Variants in CDIP1 observed in about 807,000 individuals in gnomAD.
CDIP1 encodes cell death inducing p53 target 1.
Under a neutral mutation model 17.7 loss-of-function variants are expected in CDIP1, and 9 were observed. The ratio of observed to expected loss-of-function variants is 0.51; its 90% CI spans 0.31 to 0.89. CDIP1 has a LOEUF of 0.89. Ranked by LOEUF, CDIP1 falls within the 40% of genes least tolerant of loss-of-function variation. The pLI is 0.05. For missense variants in CDIP1, 263 were observed against 277.9 expected (o/e 0.95, Z 0.38); for synonymous variants, 117 against 109.5 (o/e 1.07, Z -0.43).
chr16:4,523,211 C>T (rs2058968703), intron 1 of CDIP1, among the ~76,000 whole-genome samples: 1 of 152,158 alleles, frequency 6.6e-6, no homozygotes, highest in Non-Finnish European at 1.5e-5. Flanking sequence ...CAGATACAGG[C>T]TGGGGATTAA....
chr16:4,520,611 T>C (rs912555320), intron 1 of CDIP1, among the ~76,000 whole-genome samples: 1 of 152,176 alleles, frequency 6.6e-6, no homozygotes, highest in Admixed American at 6.6e-5. Context: ...ACACATCTCA[T>C]TGAACAATAT....
intron 1 of CDIP1, among the ~76,000 whole-genome samples, chr16:4,535,050 C>G (rs1460498237): frequency 6.6e-6 from 1 of 152,146 alleles, no homozygotes; most frequent in Non-Finnish European, 1.5e-5. Flanking sequence ...CAACCAAGCT[C>G]GCTTTCTTCC....
At chr16:4,534,707 T>TG (rs2059089821) in intron 1 of CDIP1, among the ~76,000 whole-genome samples, 2 of 151,776 alleles carry the variant, frequency 1.3e-5, no homozygotes, top group Non-Finnish European at 2.9e-5. Context: ...TTTTTTTTTT[T>TG]TTTTTTGGTT....
chr16:4,538,082 C>T (rs1015748193), intron 1 of CDIP1, among the ~76,000 whole-genome samples: 1 of 152,200 alleles, frequency 6.6e-6, no homozygotes, highest in African/African-American at 2.4e-5. Flanking sequence ...CCCACCCCTC[C>T]CCTCCCCGTC....
intron 1 of CDIP1, among the ~76,000 whole-genome samples, chr16:4,535,811 G>A (rs1253787153): frequency 1.3e-5 from 2 of 152,270 alleles, no homozygotes; most frequent in Non-Finnish European, 2.9e-5. Flanking sequence ...CAGGCCCTAG[G>A]CGCCTCCACC....
chr16:4,524,892 T>C (rs983743536), intron 1 of CDIP1, among the ~76,000 whole-genome samples: 1 of 152,082 alleles, frequency 6.6e-6, no homozygotes, highest in African/African-American at 2.4e-5. Context: ...TGCTTAAAGC[T>C]AGGAGTTCAA....
At chr16:4,538,442 C>T (rs1300828261) in intron 1 of CDIP1, 2 of 151,998 alleles carry the variant, frequency 1.3e-5, no homozygotes, top group Non-Finnish European at 2.9e-5. Flanking sequence ...CGAAACCCCC[C>T]AACCCACCGC....
chr16:4,526,053 C>T (rs745550842), intron 1 of CDIP1, among the ~76,000 whole-genome samples: 3 of 152,164 alleles, frequency 2.0e-5, no homozygotes, highest in Non-Finnish European at 4.4e-5. Context: ...CATCTGCCAG[C>T]TCTCCTCCCA....
At chr16:4,537,874 C>T (rs3848372) in intron 1 of CDIP1, among the ~76,000 whole-genome samples, 1 of 152,066 alleles carries the variant, frequency 6.6e-6, no homozygotes, top group African/African-American at 2.4e-5. Flanking sequence ...CTCCTAGCCC[C>T]AAGCTAGGCC....
intron 1 of CDIP1, among the ~76,000 whole-genome samples, chr16:4,535,798 GC>G (rs2059100918): frequency 6.6e-6 from 1 of 152,246 alleles, no homozygotes. Flanking sequence ...GGAGGTTCTG[GC>G]CCAGGCCCTA....
intron 1 of CDIP1, among the ~76,000 whole-genome samples, chr16:4,525,567 C>G (rs2058991338): frequency 6.6e-6 from 1 of 152,228 alleles, no homozygotes; most frequent in Non-Finnish European, 1.5e-5. Context: ...CCACCATGCC[C>G]TATCCAAACC....
At chr16:4,534,690 G>GTTTT (rs762718101) in intron 1 of CDIP1, among the ~76,000 whole-genome samples, 1 of 130,404 alleles carries the variant, frequency 7.7e-6, no homozygotes. Flanking sequence ...TGTTTGCATG[G>GTTTT]TTTTTTTTTT....
chr16:4,531,041 A>G (rs553935398), intron 1 of CDIP1, among the ~76,000 whole-genome samples: 11 of 151,706 alleles, frequency 7.3e-5, no homozygotes, highest in Admixed American at 2.6e-4. Flanking sequence ...GGCCATGTAT[A>G]TATTTCTCTA....
rs187755332 is a variant in CDIP1, at chr16:4,523,153, C to A, written c.-104-8489G>T. ...TAACAGAGGCCCTCTAAGGGGAGGG[C>A]GGGGGATGGTGCTTCCTTCTGATAG... is the stretch of plus-strand genomic sequence containing the variant. On this transcript the variant is annotated intron_variant, in intron 1 of 5. Coordinates refer to ENST00000567695, the MANE Select transcript of CDIP1 (RefSeq NM_013399.3). Among the ~76,000 whole-genome samples, 3 of 152,130 alleles carry A rather than the reference C, an allele frequency of 2.0e-5. No individual in the cohort carries two copies. The South Asian group carries it at 6.2e-4, about 31-fold the overall frequency.
chr16:4,525,850 G>A (rs1257893300), intron 1 of CDIP1, among the ~76,000 whole-genome samples: 1 of 152,134 alleles, frequency 6.6e-6, no homozygotes, highest in Non-Finnish European at 1.5e-5. Flanking sequence ...CCTGAACATG[G>A]CCCATTTCCC....
intron 1 of CDIP1, among the ~76,000 whole-genome samples, chr16:4,524,613 T>C (rs961024309): frequency 2.6e-5 from 4 of 152,184 alleles, no homozygotes; most frequent in Non-Finnish European, 4.4e-5. Flanking sequence ...ACCTGGAAGA[T>C]AGATGCCATG....
At chr16:4,521,485 T>A (rs2058947606) in intron 1 of CDIP1, among the ~76,000 whole-genome samples, 1 of 151,732 alleles carries the variant, frequency 6.6e-6, no homozygotes, top group Non-Finnish European at 1.5e-5. Flanking sequence ...GGGGAGGCCC[T>A]GAGTTTGTTG....
intron 1 of CDIP1, among the ~76,000 whole-genome samples, chr16:4,516,552 C>A (rs2058889783): frequency 6.6e-6 from 1 of 152,154 alleles, no homozygotes; most frequent in African/African-American, 2.4e-5. Context: ...GGGGGTCTCA[C>A]TATGTTGCCC....
chr16:4,513,804 G>C lies in CDIP1; in HGVS notation c.133C>G (p.Pro45Ala). The stretch of plus-strand genomic sequence containing the variant: ...GGTGGGGGGCCAATGTCCGCAGGGG[G>C]CAGTGGCATGCCTGGAGGGGGCTGC... ...VMQPPPGMPL[P>A]PADIGPPPYE... The change falls in exon 4 of 6, where the codon CCC becomes GCC. Residue 45 changes from proline to alanine, a missense_variant. Pro to Ala is a conservative substitution (Grantham distance 27, BLOSUM62 -1). Transcript: ENST00000567695. This position sits in a 1 kb window ranked among gnomAD's most constrained non-coding sequence, Gnocchi z 4.1. The C allele has an allele frequency of 1.3e-6, 2 of 1,595,450 alleles. No individual in the cohort carries two copies. Among genetic ancestry groups the C allele is most frequent in the Non-Finnish European group, 1.7e-6 (2 of 1,167,690 alleles).
Sources: gnomAD v4.1 joint callset for allele counts (sites outside exome capture counted in the v4.1 genomes callset) on GRCh38, gnomAD v4.1.1 for gene constraint, Gnocchi (gnomAD v3.1) non-coding constraint, MANE v1.5 for transcripts, NCBI Gene and HGNC (gene_info 2026-07-23, HGNC 2026-07-21) for gene names.